The following EML6 variants were observed in gnomAD, a reference collection of about 807,000 sequenced individuals.
The protein encoded by EML6 is EMAP like 6, also known as echinoderm microtubule-associated protein-like 6.
EML6 carries 154 observed loss-of-function variants against 240.1 expected under a neutral mutation model. That is an observed-to-expected ratio of 0.64 (90% confidence interval 0.56 to 0.73). The LOEUF is 0.73. EML6 is among the 30% of genes least tolerant of loss of function. EML6 has a pLI of 0.00. For missense variants in EML6, 2,964 were observed against 2,474.6 expected (o/e 1.20, Z -4.20); for synonymous variants, 1,148 against 899.0 (o/e 1.28, Z -4.95).
chr2:54,932,455 T>C (rs533800169), intron 28 of EML6, among the ~76,000 whole-genome samples: 1 of 152,364 alleles, frequency 6.6e-6, no homozygotes, highest in Non-Finnish European at 1.5e-5. Flanking sequence ...ACGCTAATTC[T>C]GGTCTAGAGG....
chr2:54,903,312 C>T (rs1486911239), intron 23 of EML6, 59 bp from the exon 24 acceptor site: 3 of 1,530,508 alleles, frequency 2.0e-6, no homozygotes, highest in African/African-American at 1.4e-5. Context: ...ATACTAAGTT[C>T]CTGGAAGTAA....
chr2:54,917,046 G>C (rs963758805), intron 26 of EML6, 111 bp downstream of exon 26: 18 of 786,648 alleles, frequency 2.3e-5, no homozygotes, highest in African/African-American at 8.7e-5. Context: ...CACATTATCG[G>C]AGTATTATTT....
chr2:54,921,393 A>G (rs756600622), intron 26 of EML6, among the ~76,000 whole-genome samples: 30 of 152,288 alleles, frequency 2.0e-4, no homozygotes, highest in Non-Finnish European at 3.2e-4. Context: ...CTGTATACTG[A>G]AATCTGTAAG....
intron 2 of EML6, among the ~76,000 whole-genome samples, chr2:54,805,420 AAT>A (rs1376367786): frequency 5.9e-5 from 9 of 152,192 alleles, no homozygotes; most frequent in Non-Finnish European, 1.0e-4. Flanking sequence ...TCCTATTAGC[AAT>A]ATATATGCAT....
chr2:54,888,432 G>T (rs1672273138), intron 17 of EML6, among the ~76,000 whole-genome samples: 2 of 152,126 alleles, frequency 1.3e-5, no homozygotes. Flanking sequence ...GAACCAGATT[G>T]GGCTGATTCT....
chr2:54,880,357 C>G (rs780270653), intron 17 of EML6: 1 of 152,218 alleles, frequency 6.6e-6, no homozygotes, highest in Non-Finnish European at 1.5e-5. Context: ...CCTGCTCGTT[C>G]TTCTCTGCAT....
At chr2:54,929,372 A>G (rs1437707303) in intron 28 of EML6, among the ~76,000 whole-genome samples, 2 of 152,220 alleles carry the variant, frequency 1.3e-5, no homozygotes, top group South Asian at 4.1e-4. Context: ...ATTGACAAGA[A>G]TTGTCAAACA....
rs1487562401 is a variant in EML6 at position 54,971,503 on chromosome 2, A to C, written c.*1408A>C. 1.3e-5 allele frequency: 2 copies of C among 152,258 alleles called. No homozygotes were observed. The highest frequency in any genetic ancestry group is 2.9e-5 in the Non-Finnish European group (2 of 68,052). 9.4% of individuals were successfully genotyped at this position (152,258 alleles called of 1,614,324 possible). A position where few individuals can be genotyped will look rare whatever the true frequency, so the allele number is the denominator to read the frequency against. ...GTCAGTTTAGAGAAAAGGTAAAATG[A>C]GGCATTTTCAATTGTAGAATAGACT... On this transcript the variant is annotated 3_prime_UTR_variant, in exon 42 of 42. Transcript: ENST00000356458.
intron 4 of EML6, among the ~76,000 whole-genome samples, chr2:54,817,199 T>C (rs528478025): frequency 1.3e-5 from 2 of 152,306 alleles, no homozygotes; most frequent in African/African-American, 2.4e-5. Flanking sequence ...CATTTAGAAA[T>C]GGAAATAGTT....
chr2:54,817,450 G>C (rs1333815051), intron 4 of EML6, among the ~76,000 whole-genome samples: 1 of 152,080 alleles, frequency 6.6e-6, no homozygotes, highest in African/African-American at 2.4e-5. Flanking sequence ...AAAATAATTT[G>C]ACTCCTTTAT....
chr2:54,913,956 T>C (rs1274937918), intron 25 of EML6, among the ~76,000 whole-genome samples: 1 of 152,216 alleles, frequency 6.6e-6, no homozygotes, highest in African/African-American at 2.4e-5. Flanking sequence ...GTGTCGAAGA[T>C]CAGCTGGCTA....
At chr2:54,957,656 A>AGG in intron 32 of EML6, 134 bp from the exon 33 acceptor site, 1 of 756,230 alleles carries the variant, frequency 1.3e-6, no homozygotes, top group Non-Finnish European at 2.2e-6. Flanking sequence ...TAGTGTCTGA[A>AGG]GGGGAGAGAG....
At chr2:54,765,409 C>A (rs1668140840) in intron 2 of EML6, among the ~76,000 whole-genome samples, 1 of 152,166 alleles carries the variant, frequency 6.6e-6, no homozygotes, top group Non-Finnish European at 1.5e-5. Context: ...TGGTTGTTTA[C>A]CCTCTTTTCC....
chr2:54,944,181 A>T (rs867803584), intron 28 of EML6, among the ~76,000 whole-genome samples: 7 of 151,788 alleles, frequency 4.6e-5, no homozygotes, highest in South Asian at 2.1e-4. Flanking sequence ...CATGTCACTG[A>T]CTCCCATCTC....
At chr2:54,728,387 A>G (rs1683001569) in intron 2 of EML6, among the ~76,000 whole-genome samples, 1 of 152,202 alleles carries the variant, frequency 6.6e-6, no homozygotes, top group Admixed American at 6.5e-5. Context: ...ACTCTGGACC[A>G]CTATATGTAT....
chr2:54,933,000 G>T (rs535942704), intron 28 of EML6, among the ~76,000 whole-genome samples: 1 of 152,180 alleles, frequency 6.6e-6, no homozygotes, highest in Non-Finnish European at 1.5e-5. Context: ...ACTTCAGGTG[G>T]CACTTGTTAA....
intron 19 of EML6, among the ~76,000 whole-genome samples, chr2:54,893,581 C>T (rs1422757998): frequency 3.3e-5 from 5 of 152,192 alleles, no homozygotes; most frequent in Non-Finnish European, 5.9e-5. Context: ...AATATTTAAA[C>T]CATAGCACCT....
At chr2:54,892,422 A>T (rs1384387525) in intron 18 of EML6, 32 bp from the exon 19 acceptor site, 1 of 1,481,084 alleles carries the variant, frequency 6.8e-7, no homozygotes, top group Non-Finnish European at 9.2e-7. Context: ...GCCAGATTTT[A>T]TAAAGTAATA....
At chr2:54,920,237 A>G (rs1674151803) in intron 26 of EML6, among the ~76,000 whole-genome samples, 1 of 152,140 alleles carries the variant, frequency 6.6e-6, no homozygotes, top group Non-Finnish European at 1.5e-5. Context: ...TGAAACTAAG[A>G]GTTGGTGTTT....
Sources: allele counts gnomAD v4.1 joint callset (sites outside exome capture counted in the v4.1 genomes callset), GRCh38; gene constraint gnomAD v4.1.1; transcripts MANE v1.5; gene names NCBI Gene and HGNC (gene_info 2026-07-23, HGNC 2026-07-21).